Variants in TRAK1 observed in about 807,000 individuals in gnomAD.
TRAK1 encodes the protein trafficking kinesin-binding protein 1.
A neutral mutation model predicts 92.1 loss-of-function variants in TRAK1; 33 were observed. The observed-to-expected ratio is 0.36, with a 90% CI of 0.27 to 0.48. TRAK1 has a LOEUF of 0.48. TRAK1 is among the 20% of genes least tolerant of loss of function. The pLI is 0.99. For missense variants in TRAK1, 1,123 were observed against 1,257.9 expected (o/e 0.89, Z 1.62); for synonymous variants, 521 against 517.3 (o/e 1.01, Z -0.10).
chr3:42,113,464 C>T (rs1708760074), intron 1 of TRAK1, among the ~76,000 whole-genome samples: 1 of 148,334 alleles, frequency 6.7e-6, no homozygotes, highest in Non-Finnish European at 1.5e-5. Flanking sequence ...ACTCTTGTTG[C>T]CCAGGCTGGA....
At chr3:42,136,866 A>G (rs368638936) in intron 2 of TRAK1, among the ~76,000 whole-genome samples, 1 of 152,136 alleles carries the variant, frequency 6.6e-6, no homozygotes, top group East Asian at 1.9e-4. Flanking sequence ...TGTTTTTAGT[A>G]AAGACAGGGT....
chr3:42,130,337 A>G (rs945622023), intron 2 of TRAK1, among the ~76,000 whole-genome samples: 8 of 151,478 alleles, frequency 5.3e-5, no homozygotes, highest in Non-Finnish European at 8.8e-5. Flanking sequence ...AAAAATCCAT[A>G]TCTCACCTGC....
chr3:42,027,618 A>G (rs936151507), intron 1 of TRAK1, among the ~76,000 whole-genome samples: 5 of 152,218 alleles, frequency 3.3e-5, no homozygotes, highest in African/African-American at 1.2e-4. Context: ...TATTTTAAAC[A>G]TTATTTAGTT....
At chr3:42,031,994 G>A (rs764903092) in intron 1 of TRAK1, among the ~76,000 whole-genome samples, 2 of 152,164 alleles carry the variant, frequency 1.3e-5, no homozygotes, top group Non-Finnish European at 2.9e-5. Context: ...GCGGGGAAGG[G>A]ATGGGGCATG....
At chr3:42,141,157 T>A (rs995012679) in intron 2 of TRAK1, among the ~76,000 whole-genome samples, 8 of 152,206 alleles carry the variant, frequency 5.3e-5, no homozygotes, top group Non-Finnish European at 7.3e-5. Flanking sequence ...TTATATAAAT[T>A]GAAATATTCA....
chr3:42,074,268 A>G (rs1394840378), intron 1 of TRAK1, among the ~76,000 whole-genome samples: 2 of 152,218 alleles, frequency 1.3e-5, no homozygotes, highest in African/African-American at 4.8e-5. Context: ...AGGGTCATGC[A>G]TGTTAATTAC....
chr3:42,191,082 G>T (rs191123010), intron 6 of TRAK1, among the ~76,000 whole-genome samples: 1 of 152,270 alleles, frequency 6.6e-6, no homozygotes, highest in African/African-American at 2.4e-5. Flanking sequence ...AACACAGCAG[G>T]TTTAACTCCA....
chr3:42,209,201 G>A (rs1344454465), intron 13 of TRAK1, among the ~76,000 whole-genome samples: 3 of 152,130 alleles, frequency 2.0e-5, no homozygotes, highest in African/African-American at 7.2e-5. Flanking sequence ...GAAAACCTAA[G>A]TAAAGGAGGT....
upstream of TRAK1, among the ~76,000 whole-genome samples, chr3:42,083,772 A>C (rs1209993317): frequency 6.6e-6 from 1 of 152,122 alleles, no homozygotes; most frequent in Non-Finnish European, 1.5e-5. Flanking sequence ...CTACAGGCTA[A>C]GGTGGGAGGA....
chr3:42,125,692 G>T (rs796998859), intron 2 of TRAK1, 78 bp downstream of exon 2: 1 of 1,509,610 alleles, frequency 6.6e-7, no homozygotes, highest in Non-Finnish European at 9.1e-7. Flanking sequence ...ATAAGATCTT[G>T]TACTGGCTAC....
At chr3:42,110,132 A>ATATATATATATATATATATAT (rs58099544) in intron 1 of TRAK1, among the ~76,000 whole-genome samples, 99 of 128,124 alleles carry the variant, frequency 7.7e-4, no homozygotes, top group Non-Finnish European at 9.3e-4. Flanking sequence ...ATATATATAT[A>ATATATATATATATATATATAT]AACTTTGTGT....
In TRAK1 at chr3:42,200,960, C is replaced by T. The variant is rs148528290; in HGVS notation, c.1333C>T (p.Pro445Ser). The stretch of plus-strand genomic sequence containing the variant: ...CCTCCTGTCCAGCTGCGTCAGCACC[C>T]CCCGGTCCAGCTTCTACGGCAGCGA... ...NSLLSSCVST[P>S]RSSFYGSDIG... is the part of the protein sequence containing the mutation. The change falls in exon 12 of 16, where the codon CCC (proline) becomes TCC (serine). Residue 445 changes from proline (P) to serine (S), a missense_variant. Pro to Ser is a moderately conservative substitution (Grantham distance 74). This residue lies in a region of TRAK1 where 686 missense variants were observed against 747.6 expected (regional missense o/e 0.92). Coordinates refer to ENST00000327628, the MANE Select transcript of TRAK1 (RefSeq NM_001042646.3). The T allele has an allele frequency of 3.1e-6, 5 of 1,614,072 alleles. No homozygotes were observed. Among genetic ancestry groups the T allele is most frequent in the Admixed American group, 1.7e-5 (1 of 60,010 alleles).
intron 2 of TRAK1, among the ~76,000 whole-genome samples, chr3:42,162,151 A>T (rs1406847970): frequency 6.6e-6 from 1 of 152,198 alleles, no homozygotes; most frequent in African/African-American, 2.4e-5. Flanking sequence ...AATACCAGTC[A>T]TTGAACTGTA....
intron 14 of TRAK1, among the ~76,000 whole-genome samples, chr3:42,215,278 C>T (rs1234933472): frequency 6.6e-6 from 1 of 152,194 alleles, no homozygotes; most frequent in Non-Finnish European, 1.5e-5. Context: ...AACTGTTTCT[C>T]ATGCAGCTGA....
intron 1 of TRAK1, among the ~76,000 whole-genome samples, chr3:42,105,179 C>G (rs559297056): frequency 6.6e-6 from 1 of 152,214 alleles, no homozygotes. Context: ...GTCTCGAACT[C>G]CTGACCTCAG....
chr3:42,026,928 A>G (rs1701943206), intron 1 of TRAK1, among the ~76,000 whole-genome samples: 1 of 152,172 alleles, frequency 6.6e-6, no homozygotes, highest in Non-Finnish European at 1.5e-5. Context: ...TATAATCAAT[A>G]TCAAATTTAC....
At chr3:42,184,838 G>A (rs755023728) in intron 4 of TRAK1, 37 bp downstream of exon 4, 11 of 1,586,546 alleles carry the variant, frequency 6.9e-6, no homozygotes, top group South Asian at 2.2e-5. Context: ...AGAGGGGCCC[G>A]CCACAGGCCT....
intron 10 of TRAK1, among the ~76,000 whole-genome samples, chr3:42,196,941 T>G (rs1328689259): frequency 6.8e-6 from 1 of 147,132 alleles, no homozygotes; most frequent in Non-Finnish European, 1.5e-5. Flanking sequence ...CTGAACTAAT[T>G]TCTCTCTCCT....
chr3:42,022,627 C>T (rs1701760131), intron 1 of TRAK1, among the ~76,000 whole-genome samples: 1 of 151,684 alleles, frequency 6.6e-6, no homozygotes, highest in Non-Finnish European at 1.5e-5. Context: ...GAAGTTGAAG[C>T]AGAAGGATCG....
Sources: allele counts gnomAD v4.1 joint callset (sites outside exome capture counted in the v4.1 genomes callset), GRCh38; gene constraint gnomAD v4.1.1; regional missense constraint gnomAD v4.1.1; transcripts MANE v1.5; gene names NCBI Gene and HGNC (gene_info 2026-07-23, HGNC 2026-07-21).